Variants in PCDHGB2 observed in about 807,000 individuals in gnomAD.
The protein encoded by PCDHGB2 is protocadherin gamma subfamily B, 2, also known as protocadherin gamma-B2.
PCDHGB2 carries 55 observed loss-of-function variants against 59.3 expected under a neutral mutation model. That is an observed-to-expected ratio of 0.93 (90% CI 0.75 to 1.16). PCDHGB2 has a LOEUF of 1.16. Ranked by LOEUF, PCDHGB2 falls within the 50% of genes most tolerant of loss-of-function variation. The pLI, the probability that PCDHGB2 is intolerant of heterozygous loss-of-function variation, is 0.00. For missense variants in PCDHGB2, 1,228 were observed against 1,198.5 expected (o/e 1.02, Z -0.36); for synonymous variants, 516 against 512.0 (o/e 1.01, Z -0.11).
chr5:141,365,671 C>G, intron 1 of PCDHGB2: 1 of 1,613,394 alleles, frequency 6.2e-7, no homozygotes, highest in Admixed American at 1.7e-5. Flanking sequence ...ACGTTAATGA[C>G]AACCCACCCA....
chr5:141,415,017 G>A lies in PCDHGB2; in HGVS notation c.2421+52461G>A, dbSNP rs1344566574. ...CCTGGCTGTCCTACCGTCTGCTCAA[G>A]GCCAGCGAGCCGGGACTCTTCGCGG... On this transcript the variant is annotated intron_variant, in intron 1 of 3. Transcript: ENST00000522605. The A allele has an allele frequency of 1.9e-6, 3 of 1,613,574 alleles. No homozygotes were observed. In the Admixed American group the frequency reaches 5.0e-5, roughly 27 times the overall value.
At chr5:141,494,770 C>A (rs767006872) in intron 1 of PCDHGB2, 37 bp from the exon 2 acceptor site, 14 of 1,613,904 alleles carry the variant, frequency 8.7e-6, no homozygotes, top group Non-Finnish European at 1.1e-5. Flanking sequence ...TAACTTCTCA[C>A]GGGTACTCAG....
At chr5:141,496,076 C>A (rs2099765713) in intron 2 of PCDHGB2, among the ~76,000 whole-genome samples, 1 of 152,010 alleles carries the variant, frequency 6.6e-6, no homozygotes, top group Non-Finnish European at 1.5e-5. Context: ...GCACACACAA[C>A]CCCCCACCCA....
At chr5:141,365,970 CGCTGAGCCTGTTTGT>C (rs753408644) in intron 1 of PCDHGB2, 2 of 1,614,138 alleles carry the variant, frequency 1.2e-6, no homozygotes, top group Admixed American at 1.7e-5. Flanking sequence ...AGCAACGTGT[CGCTGAGCCTGTTTGT>C]GCTGGACCAG....
intron 1 of PCDHGB2, chr5:141,397,999 G>GA (rs2093596115): frequency 2.9e-6 from 4 of 1,387,690 alleles, no homozygotes; most frequent in African/African-American, 2.9e-5. Flanking sequence ...TTCCTCCTCG[G>GA]AAAAAGAATC....
At chr5:141,422,464 A>G (rs1303001624) in intron 1 of PCDHGB2, 1 of 1,613,502 alleles carries the variant, frequency 6.2e-7, no homozygotes, top group Admixed American at 1.7e-5. Context: ...AGTGCTGGAC[A>G]GGGAGTTGGT....
In PCDHGB2 at chr5:141,432,218, A is replaced by T. The variant is rs570925415; in HGVS notation, c.2422-62589A>T. On this transcript the variant is annotated intron_variant, in intron 1 of 3. Transcript: ENST00000522605. This position sits in a 1 kb window ranked among gnomAD's most constrained non-coding sequence, Gnocchi z 6.0. Reference sequence around the variant, plus strand: ...CCCCGACTGTGAAGAGAACGCCCAGATCACTTATTCCCTGGCTGAGAACAC... The same window carrying T: ...CCCCGACTGTGAAGAGAACGCCCAGTTCACTTATTCCCTGGCTGAGAACAC... The T allele has an allele frequency of 6.2e-7, 1 of 1,614,148 alleles. No homozygotes were observed. The highest frequency in any genetic ancestry group is 1.3e-5 in the African/African-American group (1 of 75,030).
intron 1 of PCDHGB2, among the ~76,000 whole-genome samples, chr5:141,373,744 G>A (rs10061034): frequency 6.6e-6 from 1 of 152,096 alleles, no homozygotes; most frequent in Admixed American, 6.5e-5. Context: ...TCATTATCTT[G>A]GGGAGGGAAA....
At chr5:141,410,037 G>T (rs760397726) in intron 1 of PCDHGB2, 2 of 1,613,250 alleles carry the variant, frequency 1.2e-6, no homozygotes, top group South Asian at 2.2e-5. Flanking sequence ...CTGCAGGCCA[G>T]TGAGCCCGGA....
Position 141,366,619 on chromosome 5 carries a change from G to A in PCDHGB2, c.2421+4063G>A, listed in dbSNP as rs769993265. On this transcript the variant is annotated intron_variant, in intron 1 of 3. Coordinates refer to ENST00000522605, the MANE Select transcript of PCDHGB2 (RefSeq NM_018923.3). ...ACGAGGTCTCCCTCACCGCGGACTC[G>A]AGGAAGAGTCACCTGATCTTTCCCC... 5.0e-6 allele frequency: 8 copies of A among 1,614,104 alleles called. No homozygotes were observed. In the African/African-American group the frequency reaches 6.7e-5, roughly 13 times the overall value.
rs1378433689 is a variant in PCDHGB2, at chr5:141,409,139, G to A, written c.2421+46583G>A. Reference sequence around the variant, plus strand: ...CCAGTCATTTGATTTTGAAGATGTAGAAAGGTACACCATGGAAGTGGAAGC... The same window carrying A: ...CCAGTCATTTGATTTTGAAGATGTAAAAAGGTACACCATGGAAGTGGAAGC... On this transcript the variant is annotated intron_variant, in intron 1 of 3. Transcript: ENST00000522605. 5.6e-6 allele frequency: 9 copies of A among 1,613,894 alleles called. No homozygotes were observed. In the Admixed American group the frequency reaches 1.5e-4, roughly 27 times the overall value.
intron 1 of PCDHGB2, among the ~76,000 whole-genome samples, chr5:141,459,747 A>G (rs553965181): frequency 3.2e-4 from 48 of 152,318 alleles, no homozygotes; most frequent in African/African-American, 1.1e-3. Flanking sequence ...AATTTTAGCA[A>G]TTCTAGTGGG....
intron 1 of PCDHGB2, chr5:141,478,169 G>A (rs2099436111): frequency 1.2e-6 from 2 of 1,613,716 alleles, no homozygotes; most frequent in Admixed American, 1.7e-5. Flanking sequence ...TGCCCCCCGG[G>A]AGCAGAAAAA....
At chr5:141,472,980 CAAA>C (rs60579131) in intron 1 of PCDHGB2, among the ~76,000 whole-genome samples, 10 of 86,092 alleles carry the variant, frequency 1.2e-4, no homozygotes, top group Non-Finnish European at 1.2e-4. Context: ...GAGTGAAACT[CAAA>C]AAAAAAAAAA....
At chr5:141,464,676 T>A (rs1337677151) in intron 1 of PCDHGB2, among the ~76,000 whole-genome samples, 1 of 152,176 alleles carries the variant, frequency 6.6e-6, no homozygotes. Flanking sequence ...ATAATTTTAA[T>A]TAAAATTTCT....
Position 141,386,707 on chromosome 5 carries a change from T to C in PCDHGB2, c.2421+24151T>C, listed in dbSNP as rs577728957. Among the ~76,000 whole-genome samples, 44 of 152,320 alleles carry C rather than the reference T, an allele frequency of 2.9e-4. No homozygotes were observed. The South Asian group carries it at 9.1e-3, about 32-fold the overall frequency. On this transcript the variant is annotated intron_variant, in intron 1 of 3. Transcript: ENST00000522605. ...AATCACTTGGGGTAGAAGACAATGT[T>C]GCTGACACCAACAATGTTACTGAGG... is the stretch of plus-strand genomic sequence containing the variant.
intron 2 of PCDHGB2, among the ~76,000 whole-genome samples, chr5:141,503,700 C>G (rs2099828974): frequency 6.6e-6 from 1 of 152,016 alleles, no homozygotes; most frequent in Non-Finnish European, 1.5e-5. Flanking sequence ...GAGATTCCTG[C>G]TTTCCCCTTC....
At chr5:141,385,566 C>T in intron 1 of PCDHGB2, 1 of 1,303,468 alleles carries the variant, frequency 7.7e-7, no homozygotes, top group Non-Finnish European at 9.7e-7. Context: ...TAATTTCCAC[C>T]TACTTTCCAA....
intron 1 of PCDHGB2, among the ~76,000 whole-genome samples, chr5:141,397,282 T>A (rs2150702726): frequency 6.6e-6 from 1 of 152,350 alleles, no homozygotes; most frequent in South Asian, 2.1e-4. Context: ...ATGGGCAGTA[T>A]ACTTGAATGA....
Sources: gnomAD v4.1 joint callset for allele counts (sites outside exome capture counted in the v4.1 genomes callset) on GRCh38, gnomAD v4.1.1 for gene constraint, Gnocchi (gnomAD v3.1) non-coding constraint, MANE v1.5 for transcripts, NCBI Gene and HGNC (gene_info 2026-07-23, HGNC 2026-07-21) for gene names.